The following WDR70 variants were observed in gnomAD, a reference collection of about 807,000 sequenced individuals.
The protein encoded by WDR70 is WD repeat domain 70, also known as WD repeat-containing protein 70.
In WDR70, 53 loss-of-function variants were observed where a neutral mutation model predicts 88.6. That is an observed-to-expected ratio of 0.60 (90% CI 0.48 to 0.75). The LOEUF (loss-of-function observed/expected upper bound fraction) is 0.75. Ranked by LOEUF, WDR70 falls within the 30% of genes least tolerant of loss-of-function variation. The probability of loss-of-function intolerance (pLI) is 0.00; values close to 1 mark genes in which losing one functional copy is unlikely to be tolerated. For missense variants in WDR70, 610 were observed against 823.2 expected, an observed-to-expected ratio of 0.74 and a Z score of 3.17; for synonymous variants, 280 against 270.0, an observed-to-expected ratio of 1.04 and a Z score of -0.36.
intron 10 of WDR70, among the ~76,000 whole-genome samples, chr5:37,692,681 C>A (rs869249762): frequency 6.6e-6 from 1 of 152,050 alleles, no homozygotes; most frequent in Non-Finnish European, 1.5e-5. Flanking sequence ...CATGAGAAAA[C>A]CTCTCAATAA....
At chr5:37,549,897 C>T (rs1255211565) in intron 9 of WDR70, among the ~76,000 whole-genome samples, 3 of 151,756 alleles carry the variant, frequency 2.0e-5, no homozygotes, top group African/African-American at 7.3e-5. Context: ...GAGCCTCACC[C>T]TGTCATGCAG....
chr5:37,714,306 C>T (rs1321565434), intron 13 of WDR70, among the ~76,000 whole-genome samples: 23 of 152,104 alleles, frequency 1.5e-4, no homozygotes, highest in Admixed American at 1.5e-3. Flanking sequence ...TGGTCATTAT[C>T]TTTATGCCTA....
Position 37,396,457 on chromosome 5 carries a change from G to A in WDR70, c.379G>A (p.Val127Ile). 1 of 1,613,976 alleles carries A rather than the reference G, an allele frequency of 6.2e-7. No homozygotes were observed. Among genetic ancestry groups the A allele is most frequent in the African/African-American group, 1.3e-5 (1 of 75,014 alleles). The change falls in exon 5 of 18, where the codon GTA (valine) becomes ATA (isoleucine). Residue 127 changes from valine (V) to isoleucine (I), a missense_variant. Val to Ile is a conservative substitution (Grantham distance 29, BLOSUM62 3). This residue lies in a region of WDR70 where 203 missense variants were observed against 228.1 expected (regional missense o/e 0.89). Coordinates refer to ENST00000265107, the MANE Select transcript of WDR70 (RefSeq NM_018034.4). Reference sequence around the variant, plus strand: ...TGGCCCTCCTTTACCCCCTAAAATGGTAGGAAAACCAGTTAATTTTATGGA... The same window carrying A: ...TGGCCCTCCTTTACCCCCTAAAATGATAGGAAAACCAGTTAATTTTATGGA... ...LIGPPLPPKM[V>I]GKPVNFMEED...
chr5:37,707,372 C>T (rs1747358202), intron 13 of WDR70, among the ~76,000 whole-genome samples: 1 of 152,078 alleles, frequency 6.6e-6, no homozygotes, highest in African/African-American at 2.4e-5. Context: ...AGGAAAAAAG[C>T]CAGAAATTTT....
intron 10 of WDR70, among the ~76,000 whole-genome samples, chr5:37,666,408 A>G (rs1408254850): frequency 6.6e-6 from 1 of 152,184 alleles, no homozygotes; most frequent in African/African-American, 2.4e-5. Flanking sequence ...CCAAGTTTTA[A>G]ATTACTTTAG....
Position 37,605,142 on chromosome 5 carries a change from A to G in WDR70, c.996A>G (p.Lys332=), listed in dbSNP as rs1183006181. ...AACCACGGACGATGCAAGGCAAAAAAGTCATTCCCACTACGTGCACATATA... is the reference window on the plus strand; with the variant it reads ...AACCACGGACGATGCAAGGCAAAAAGGTCATTCCCACTACGTGCACATATA... ...VFKPRTMQGK[K]VIPTTCTYSR... The change falls in exon 10 of 18, where the codon AAA becomes AAG. Residue 332 remains lysine, a synonymous_variant. Transcript: ENST00000265107. The G allele has an allele frequency of 6.2e-7, 1 of 1,613,572 alleles. No individual in the cohort carries two copies. Among genetic ancestry groups the G allele is most frequent in the Non-Finnish European group, 8.5e-7 (1 of 1,179,774 alleles).
At position 37,731,098 on chromosome 5, in the gene WDR70, C is replaced by G. The variant is rs1228975133; in HGVS notation, c.1877+4053C>G. On this transcript the variant is annotated intron_variant, in intron 17 of 17. Coordinates refer to ENST00000265107, the MANE Select transcript of WDR70 (RefSeq NM_018034.4). ...AGACTGTGGTCAGAGTTGTCCTGGT[C>G]AGGGCCATGGCAACTAGAGTATTTA... Among the ~76,000 whole-genome samples the G allele has an allele frequency of 5.9e-5, 9 of 152,198 alleles. No individual in the cohort carries two copies. In the East Asian group the frequency reaches 1.5e-3, roughly 26 times the overall value.
At chr5:37,479,796 C>T in intron 7 of WDR70, 38 bp from the exon 8 acceptor site, 1 of 1,582,440 alleles carries the variant, frequency 6.3e-7, no homozygotes, top group South Asian at 1.2e-5. Context: ...AAACATTGTG[C>T]TTAGTATCTT....
chr5:37,494,351 CG>C (rs1740153718), intron 8 of WDR70, among the ~76,000 whole-genome samples: 1 of 152,114 alleles, frequency 6.6e-6, no homozygotes, highest in Non-Finnish European at 1.5e-5. Context: ...GGAAGTATTA[CG>C]GGCTACAAAA....
chr5:37,450,976 G>A (rs1217750273), intron 7 of WDR70, among the ~76,000 whole-genome samples: 2 of 152,190 alleles, frequency 1.3e-5, no homozygotes, highest in African/African-American at 4.8e-5. Context: ...TCGGCTCACC[G>A]CAACCTCCAC....
chr5:37,661,399 T>C (rs1047339201), intron 10 of WDR70, among the ~76,000 whole-genome samples: 3 of 152,138 alleles, frequency 2.0e-5, no homozygotes, highest in African/African-American at 4.8e-5. Flanking sequence ...TATATCGAAA[T>C]GTAGTATCTG....
intron 9 of WDR70, among the ~76,000 whole-genome samples, chr5:37,520,851 GT>G (rs1741063738): frequency 6.6e-6 from 1 of 152,158 alleles, no homozygotes; most frequent in South Asian, 2.1e-4. Context: ...AGCTACTTGC[GT>G]TTAAATAGGA....
At chr5:37,426,131 G>C (rs546944816) in intron 5 of WDR70, among the ~76,000 whole-genome samples, 35 of 152,166 alleles carry the variant, frequency 2.3e-4, no homozygotes, top group Non-Finnish European at 4.1e-4. Context: ...AGAGAAGGAA[G>C]ATCCTGCACA....
At chr5:37,486,205 A>G (rs1413769956) in intron 8 of WDR70, among the ~76,000 whole-genome samples, 2 of 152,152 alleles carry the variant, frequency 1.3e-5, no homozygotes, top group African/African-American at 4.8e-5. Context: ...GGATTAAATT[A>G]TTACAGTATG....
At chr5:37,583,716 C>T (rs1407987449) in intron 9 of WDR70, among the ~76,000 whole-genome samples, 1 of 150,120 alleles carries the variant, frequency 6.7e-6, no homozygotes, top group Non-Finnish European at 1.5e-5. Flanking sequence ...AGTGTTTTCT[C>T]ATTGATTATG....
intron 7 of WDR70, among the ~76,000 whole-genome samples, chr5:37,449,607 AAAATAAAAAAT>A (rs1561856893): frequency 0.025 from 1,316 of 52,068 alleles, 33 homozygotes; most frequent in South Asian, 0.039. Context: ...AAAAAAATAA[AAAATAAAAAAT>A]AAATAAATAA....
chr5:37,423,384 G>T (rs2111999203), intron 5 of WDR70, among the ~76,000 whole-genome samples: 1 of 149,592 alleles, frequency 6.7e-6, no homozygotes, highest in South Asian at 2.1e-4. Context: ...AGAAGAAAAG[G>T]AAAAAACAAG....
At position 37,384,083 on chromosome 5, in the gene WDR70, T is replaced by A. The variant is rs541891702; in HGVS notation, c.175+2398T>A. Reference sequence around the variant, plus strand: ...TATACCTTAAAACGATAAGGATTGTTTTAAAAAAAGCTTAACCAAGATACC... The same window carrying A: ...TATACCTTAAAACGATAAGGATTGTATTAAAAAAAGCTTAACCAAGATACC... On this transcript the variant is annotated intron_variant, in intron 3 of 17. Transcript: ENST00000265107. 2.6e-5 allele frequency among the ~76,000 whole-genome samples: 4 copies of A among 152,186 alleles called. No individual in the cohort carries two copies. The East Asian group carries it at 7.7e-4, about 29-fold the overall frequency.
chr5:37,528,192 C>G (rs1159738816), intron 9 of WDR70, among the ~76,000 whole-genome samples: 1 of 152,052 alleles, frequency 6.6e-6, no homozygotes, highest in Non-Finnish European at 1.5e-5. Flanking sequence ...ATGTTTATTG[C>G]GGCACTATTC....
Sources: allele counts gnomAD v4.1 joint callset (sites outside exome capture counted in the v4.1 genomes callset), GRCh38; gene constraint gnomAD v4.1.1; regional missense constraint gnomAD v4.1.1; transcripts MANE v1.5; gene names NCBI Gene and HGNC (gene_info 2026-07-23, HGNC 2026-07-21).